Variants in SAMTOR observed in about 807,000 individuals in gnomAD.
SAMTOR encodes UPF0532 protein C7orf60.
the SAMTOR span, among the ~76,000 whole-genome samples, chr7:112,918,818 C>T: frequency 6.6e-6 from 1 of 152,280 alleles, no homozygotes; most frequent in South Asian, 2.1e-4. Flanking sequence ...ATAAAACAGA[C>T]TTTAAACCAA....
At chr7:112,922,238 G>C in the SAMTOR span, among the ~76,000 whole-genome samples, 4 of 152,216 alleles carry the variant, frequency 2.6e-5, no homozygotes, top group Non-Finnish European at 1.5e-5. Context: ...GATTGCAGAC[G>C]GAGTCTCATT....
the SAMTOR span, among the ~76,000 whole-genome samples, chr7:112,855,259 A>G: frequency 1.3e-5 from 2 of 152,238 alleles, no homozygotes; most frequent in African/African-American, 4.8e-5. Context: ...CAATGGAAAT[A>G]TATACTATGA....
chr7:112,923,938 C>G, the SAMTOR span, among the ~76,000 whole-genome samples: 22 of 151,102 alleles, frequency 1.5e-4, 1 homozygote, highest in South Asian at 4.6e-3. Flanking sequence ...TAAACTATCA[C>G]AAGAACAAAA....
the SAMTOR span, among the ~76,000 whole-genome samples, chr7:112,925,793 T>A: frequency 7.1e-5 from 2 of 28,194 alleles, no homozygotes; most frequent in Non-Finnish European, 1.7e-4. Flanking sequence ...AAGCTCTGTC[T>A]CAAAAAAAAA....
chr7:112,932,461 A>G, the SAMTOR span, among the ~76,000 whole-genome samples: 1 of 152,246 alleles, frequency 6.6e-6, no homozygotes, highest in Non-Finnish European at 1.5e-5. Flanking sequence ...GGGTATCCAC[A>G]AGTTAAAATT....
chr7:112,918,412 C>T, the SAMTOR span, among the ~76,000 whole-genome samples: 1,598 of 152,162 alleles, frequency 0.011, 30 homozygotes, highest in African/African-American at 0.036. Flanking sequence ...GATTTTGTCA[C>T]CATCAGGCCT....
At chr7:112,904,359 C>T in the SAMTOR span, among the ~76,000 whole-genome samples, 1 of 151,870 alleles carries the variant, frequency 6.6e-6, no homozygotes, top group East Asian at 1.9e-4. Context: ...AATTGCAATG[C>T]AATAAAATGA....
At chr7:112,939,431 G>T in the SAMTOR span, 2 of 1,125,518 alleles carry the variant, frequency 1.8e-6, no homozygotes, top group East Asian at 2.6e-5. Context: ...GTCTGATGCC[G>T]ACTAGGGGGC....
At chr7:112,911,411 T>C in the SAMTOR span, among the ~76,000 whole-genome samples, 1 of 152,256 alleles carries the variant, frequency 6.6e-6, no homozygotes, top group African/African-American at 2.4e-5. Context: ...CCTGATGGTA[T>C]CAAAGTGTTC....
the SAMTOR span, among the ~76,000 whole-genome samples, chr7:112,872,954 C>T: frequency 6.6e-6 from 1 of 151,154 alleles, no homozygotes; most frequent in African/African-American, 2.4e-5. Flanking sequence ...CGTGCGTGCA[C>T]ACACCCACAC....
At chr7:112,859,577 T>TG in the SAMTOR span, among the ~76,000 whole-genome samples, 1 of 152,174 alleles carries the variant, frequency 6.6e-6, no homozygotes, top group Admixed American at 6.5e-5. Context: ...AGAGCTCCTT[T>TG]GCCAGTAATG....
At chr7:112,910,615 T>C in the SAMTOR span, among the ~76,000 whole-genome samples, 1 of 152,116 alleles carries the variant, frequency 6.6e-6, no homozygotes, top group African/African-American at 2.4e-5. Context: ...CTTAACCAAA[T>C]GATAACATTT....
chr7:112,901,234 G>T, the SAMTOR span, among the ~76,000 whole-genome samples: 8 of 152,152 alleles, frequency 5.3e-5, no homozygotes, highest in Non-Finnish European at 1.2e-4. Flanking sequence ...GTGAAGCTTC[G>T]TCTGTATTTA....
the SAMTOR span, chr7:112,822,048 A>C: frequency 6.2e-7 from 1 of 1,613,740 alleles, no homozygotes; most frequent in Non-Finnish European, 8.5e-7. Context: ...TGAGTACTTG[A>C]AGCGTTTAAA....
chr7:112,873,459 T>C, the SAMTOR span, among the ~76,000 whole-genome samples: 1 of 152,030 alleles, frequency 6.6e-6, no homozygotes, highest in East Asian at 1.9e-4. Context: ...AAATAAGCAA[T>C]GGGGAAAGAA....
the SAMTOR span, among the ~76,000 whole-genome samples, chr7:112,838,581 T>C: frequency 2.0e-5 from 3 of 151,898 alleles, no homozygotes; most frequent in African/African-American, 7.2e-5. Flanking sequence ...ATTGTAGTTT[T>C]GACTTTTGGA....
chr7:112,933,627 G>T, the SAMTOR span, among the ~76,000 whole-genome samples: 1 of 152,152 alleles, frequency 6.6e-6, no homozygotes, highest in Non-Finnish European at 1.5e-5. Context: ...TGAACTCCCA[G>T]GACGAGCACA....
chr7:112,826,188 G>A, the SAMTOR span, among the ~76,000 whole-genome samples: 1 of 152,100 alleles, frequency 6.6e-6, no homozygotes, highest in Non-Finnish European at 1.5e-5. Flanking sequence ...CATAGAATGA[G>A]TTGGGAAGTA....
At chr7:112,824,785 A>AT in the SAMTOR span, among the ~76,000 whole-genome samples, 1 of 152,158 alleles carries the variant, frequency 6.6e-6, no homozygotes, top group African/African-American at 2.4e-5. Flanking sequence ...AAAATCACGT[A>AT]CGTAAGTTTG....
Sources: gnomAD v4.1 joint callset for allele counts (sites outside exome capture counted in the v4.1 genomes callset) on GRCh38, gnomAD v4.1.1 for gene constraint, MANE v1.5 for transcripts, NCBI Gene and HGNC (gene_info 2026-07-23, HGNC 2026-07-21) for gene names.